Variants in ZNF69 observed in about 807,000 individuals in gnomAD.
ZNF69 encodes the protein zinc finger protein 69, also known as ZNF3.
A neutral mutation model predicts 50.9 loss-of-function variants in ZNF69; 47 were observed. That is an observed-to-expected ratio of 0.92 (90% confidence interval 0.73 to 1.18). The LOEUF is 1.18. Ranked by LOEUF, ZNF69 falls within the 50% of genes most tolerant of loss-of-function variation. The probability of loss-of-function intolerance (pLI) is 0.00; values close to 1 mark genes in which losing one functional copy is unlikely to be tolerated. For missense variants in ZNF69, 717 were observed against 675.1 expected, an observed-to-expected ratio of 1.06 and a Z score of -0.69; for synonymous variants, 216 against 223.1, an observed-to-expected ratio of 0.97 and a Z score of 0.29.
the ZNF69 span, among the ~76,000 whole-genome samples, chr19:11,939,456 C>T: frequency 1.1e-3 from 166 of 152,300 alleles, 1 homozygote; most frequent in Non-Finnish European, 1.8e-3. Flanking sequence ...CTAGCCAGTT[C>T]TCCCAGCACC....
At chr19:11,934,792 G>T in the ZNF69 span, among the ~76,000 whole-genome samples, 2 of 147,986 alleles carry the variant, frequency 1.4e-5, no homozygotes, top group African/African-American at 2.6e-5. Context: ...TTCCCAATGT[G>T]CTGGATTACA....
Position 11,905,277 on chromosome 19 carries a change from C to A in ZNF69, c.880C>A (p.His294Asn), listed in dbSNP as rs1218751594. The A allele has an allele frequency of 6.2e-7, 1 of 1,613,934 alleles. No homozygotes were observed. The highest frequency in any genetic ancestry group is 1.3e-5 in the African/African-American group (1 of 74,896). ...TCATAGTCCCAGATGCTATCGTAGACATGAAAGGATTCACACGGGAGAGAA... is the reference window on the plus strand; with the variant it reads ...TCATAGTCCCAGATGCTATCGTAGAAATGAAAGGATTCACACGGGAGAGAA... The part of the protein sequence containing the change: ...AFHSPRCYRR[H>N]ERIHTGEKAY... Residue 294 changes from histidine to asparagine, a missense_variant, in exon 4 of 4, where the codon CAT (histidine) becomes AAT (asparagine). Physicochemically the swap from His to Asn is moderately conservative, Grantham distance 68. Coordinates refer to ENST00000429654, the MANE Select transcript of ZNF69 (RefSeq NM_001364730.1).
the ZNF69 span, among the ~76,000 whole-genome samples, chr19:11,920,099 TTTTAC>T: frequency 6.6e-6 from 1 of 151,870 alleles, no homozygotes; most frequent in Non-Finnish European, 1.5e-5. Flanking sequence ...AAAAAGGAAC[TTTTAC>T]TTTTTTTTTT....
intron 1 of ZNF69, among the ~76,000 whole-genome samples, chr19:11,903,209 C>T (rs1253317580): frequency 2.6e-5 from 4 of 151,966 alleles, no homozygotes; most frequent in South Asian, 2.1e-4. Context: ...CTGAGGCAGG[C>T]GGATCACCTG....
the ZNF69 span, among the ~76,000 whole-genome samples, chr19:11,962,883 T>C: frequency 8.3e-4 from 127 of 152,240 alleles, no homozygotes; most frequent in African/African-American, 2.9e-3. Context: ...ATGAATTTGA[T>C]AAAGTTTAAA....
chr19:11,906,098 A>C lies in ZNF69; in HGVS notation c.1701A>C (p.Ter567CysextTer11). 1 of 1,609,318 alleles carries C rather than the reference A, an allele frequency of 6.2e-7. No individual in the cohort carries two copies. The highest frequency in any genetic ancestry group is 8.5e-7 in the Non-Finnish European group (1 of 1,178,604). ...PEDKPYECKQ[*>C] Reference sequence around the variant, plus strand: ...ATAAACCCTATGAGTGTAAGCAATGAGGGAAAGCCTTCAGATCTGCCTCAC... The same window carrying C: ...ATAAACCCTATGAGTGTAAGCAATGCGGGAAAGCCTTCAGATCTGCCTCAC... The change falls in exon 4 of 4, where the codon TGA (stop) becomes TGC (cysteine). Residue 567 changes from the stop codon to cysteine, a stop_lost. Coordinates refer to ENST00000429654, the MANE Select transcript of ZNF69 (RefSeq NM_001364730.1).
At chr19:11,977,398 A>C in the ZNF69 span, 1 of 1,614,038 alleles carries the variant, frequency 6.2e-7, no homozygotes, top group South Asian at 1.1e-5. Context: ...CAGAACATTG[A>C]ATATGAGTAC....
chr19:11,905,020 A>G lies in ZNF69; in HGVS notation c.623A>G (p.Gln208Arg). 1 of 1,614,170 alleles carries G rather than the reference A, an allele frequency of 6.2e-7. No homozygotes were observed. The highest frequency in any genetic ancestry group is 8.5e-7 in the Non-Finnish European group (1 of 1,180,020). ...GKTFISHSSI[Q>R]RHVVMHSGDG... ...ACTTTTATTTCCCATTCAAGCATTC[A>G]AAGACACGTGGTAATGCACAGTGGG... is the stretch of plus-strand genomic sequence containing the variant. The change falls in exon 4 of 4, where the codon CAA becomes CGA. Residue 208 changes from glutamine (Q) to arginine (R), a missense_variant. By Grantham distance (43) the Gln-to-Arg change is conservative. Coordinates refer to ENST00000429654, the MANE Select transcript of ZNF69 (RefSeq NM_001364730.1).
At chr19:11,940,165 G>A in the ZNF69 span, 1 of 152,088 alleles carries the variant, frequency 6.6e-6, no homozygotes, top group Admixed American at 6.6e-5. Flanking sequence ...TCCAACCTCA[G>A]GTGATCGACC....
At chr19:11,939,789 T>G in the ZNF69 span, among the ~76,000 whole-genome samples, 1 of 152,030 alleles carries the variant, frequency 6.6e-6, no homozygotes, top group African/African-American at 2.4e-5. Context: ...CATTACTTAT[T>G]GGAAAACAAA....
At chr19:11,914,522 A>C (rs1475924563), downstream of ZNF69, among the ~76,000 whole-genome samples, 1 of 152,186 alleles carries the variant, frequency 6.6e-6, no homozygotes, top group African/African-American at 2.4e-5. Flanking sequence ...GAGTCATAGG[A>C]GGCTAATAAA....
chr19:11,926,147 G>T, the ZNF69 span, among the ~76,000 whole-genome samples: 1 of 152,198 alleles, frequency 6.6e-6, no homozygotes, highest in African/African-American at 2.4e-5. Context: ...TGTTTCTCTA[G>T]ATTTTATGAA....
chr19:11,914,836 T>C (rs919386100), downstream of ZNF69, among the ~76,000 whole-genome samples: 9 of 152,282 alleles, frequency 5.9e-5, no homozygotes, highest in East Asian at 1.7e-3. Context: ...TCCCAGATAA[T>C]GTATCCACAT....
chr19:11,925,119 C>A, the ZNF69 span: 44 of 1,505,248 alleles, frequency 2.9e-5, no homozygotes, highest in African/African-American at 3.6e-4. Flanking sequence ...TCACCTTCCT[C>A]GCTGCGCGGG....
intron 1 of ZNF69, among the ~76,000 whole-genome samples, chr19:11,896,217 TAAAAAA>T (rs138289885): frequency 4.9e-4 from 31 of 63,858 alleles, no homozygotes; most frequent in Non-Finnish European, 7.2e-4. Flanking sequence ...GAAACTCCAT[TAAAAAA>T]AAAAAAAAAA....
chr19:11,893,958 A>G (rs543801338), intron 1 of ZNF69, among the ~76,000 whole-genome samples: 2 of 152,254 alleles, frequency 1.3e-5, no homozygotes, highest in South Asian at 4.1e-4. Flanking sequence ...GAAATATCCC[A>G]AAAGACAAGG....
the ZNF69 span, chr19:11,977,311 T>A: frequency 1.9e-6 from 3 of 1,606,028 alleles, no homozygotes; most frequent in Non-Finnish European, 2.5e-6. Flanking sequence ...ACATAGAATC[T>A]AATAATTTTT....
the ZNF69 span, among the ~76,000 whole-genome samples, chr19:11,925,743 C>T: frequency 6.6e-6 from 1 of 152,148 alleles, no homozygotes. Flanking sequence ...AGAAACACCC[C>T]GTCCTGGGTT....
rs539786105 is a variant in ZNF69 at position 11,894,911 on chromosome 19, C to T, written c.63+6925C>T. On this transcript the variant is annotated intron_variant, in intron 1 of 3. Coordinates refer to ENST00000429654, the MANE Select transcript of ZNF69 (RefSeq NM_001364730.1). ...AAAAGACAAGGAAAGCCCACCCCAA[C>T]GGGGTGGACCAGTAGCCTGCAAATC... Among the ~76,000 whole-genome samples, 24 of 152,284 alleles carry T rather than the reference C, an allele frequency of 1.6e-4. No individual in the cohort carries two copies. In the South Asian group the frequency reaches 4.1e-3, roughly 26 times the overall value.
Sources: gnomAD v4.1 joint callset for allele counts (sites outside exome capture counted in the v4.1 genomes callset) on GRCh38, gnomAD v4.1.1 for gene constraint, MANE v1.5 for transcripts, NCBI Gene and HGNC (gene_info 2026-07-23, HGNC 2026-07-21) for gene names.